The following SNX8 variants were observed in gnomAD, a reference collection of about 807,000 sequenced individuals.
SNX8 encodes the protein sorting nexin-8.
SNX8 carries 25 observed loss-of-function variants against 51.6 expected under a neutral mutation model. The observed-to-expected ratio is 0.48, with a 90% CI of 0.35 to 0.68. The LOEUF (loss-of-function observed/expected upper bound fraction) is 0.68, where lower values mean the gene tolerates loss of function less well. SNX8 is among the 30% of genes least tolerant of loss of function. The pLI, the probability that SNX8 is intolerant of heterozygous loss-of-function variation, is 0.00. For synonymous variants in SNX8, 324 were observed against 277.0 expected, an observed-to-expected ratio of 1.17 and a Z score of -1.68; for missense variants, 695 against 624.0, an observed-to-expected ratio of 1.11 and a Z score of -1.21.
intron 1 of SNX8, among the ~76,000 whole-genome samples, chr7:2,291,096 G>C (rs1024262041): frequency 1.3e-5 from 2 of 151,938 alleles, no homozygotes; most frequent in African/African-American, 4.8e-5. Flanking sequence ...AGGAGTTTGA[G>C]ACCAACCTGG....
At position 2,289,495 on chromosome 7, in the gene SNX8, G is replaced by C. The variant is rs180922650; in HGVS notation, c.95-11190C>G. On this transcript the variant is annotated intron_variant, in intron 1 of 10. Coordinates refer to ENST00000222990, the MANE Select transcript of SNX8 (RefSeq NM_013321.4). ...CGTCCGTCTTCCCTCATTCCAGGAG[G>C]ACTGTGCCTCTTTTAACACAGTTGC... 3.5e-3 allele frequency among the ~76,000 whole-genome samples: 534 copies of C among 152,292 alleles called. 5 individuals are homozygous for C. Among genetic ancestry groups the C allele is most frequent in the African/African-American group, 0.013 (522 of 41,558 alleles).
At chr7:2,324,501 G>A (rs1778593019) in intron 1 of SNX8, among the ~76,000 whole-genome samples, 1 of 151,930 alleles carries the variant, frequency 6.6e-6, no homozygotes, top group Admixed American at 6.6e-5. Context: ...ATGTTGCCCA[G>A]GGTGGTCTCG....
At chr7:2,317,338 G>A (rs546110868), upstream of SNX8, among the ~76,000 whole-genome samples, 2 of 125,234 alleles carry the variant, frequency 1.6e-5, no homozygotes, top group Admixed American at 2.1e-4. Context: ...GAGGGCAGTG[G>A]CATGATCTTG....
chr7:2,332,842 G>A (rs561211746), intron 1 of SNX8, among the ~76,000 whole-genome samples: 1 of 148,390 alleles, frequency 6.7e-6, no homozygotes, highest in East Asian at 2.0e-4. Context: ...AAGGAAGGCA[G>A]GGAGGGAGGG....
rs1795745801 is a variant in SNX8 at position 2,275,128 on chromosome 7, G to T, written c.402C>A (p.Pro134=). The T allele has an allele frequency of 6.2e-7, 1 of 1,612,388 alleles. No individual in the cohort carries two copies. Among genetic ancestry groups the T allele is most frequent in the African/African-American group, 1.3e-5 (1 of 74,894 alleles). ...TGGCTTTACCTCCCAGCATTCTCTT[G>T]GGTGGCAGGGCAGGCACCATACGGT... is the stretch of plus-strand genomic sequence containing the variant. The part of the protein sequence containing the change: ...FPYRMVPALP[P]KRMLGADREF... Residue 134 remains proline, a synonymous_variant, in exon 3 of 11, where the codon CCC becomes CCA. Coordinates refer to ENST00000222990, the MANE Select transcript of SNX8 (RefSeq NM_013321.4).
chr7:2,332,973 T>A (rs1352994066), intron 1 of SNX8, among the ~76,000 whole-genome samples: 1 of 152,040 alleles, frequency 6.6e-6, no homozygotes, highest in Non-Finnish European at 1.5e-5. Context: ...TTTCAAGACT[T>A]CTAAAGCTGT....
At chr7:2,279,856 C>T (rs1279286102) in intron 1 of SNX8, among the ~76,000 whole-genome samples, 1 of 151,810 alleles carries the variant, frequency 6.6e-6, no homozygotes, top group Non-Finnish European at 1.5e-5. Context: ...TCAAATCAGT[C>T]TTAACCTTGG....
At position 2,286,818 on chromosome 7, in the gene SNX8, A is replaced by C. The variant is rs76018154; in HGVS notation, c.95-8513T>G. Among the ~76,000 whole-genome samples, 275 of 152,090 alleles carry C rather than the reference A, an allele frequency of 1.8e-3. 5 individuals are homozygous for C. The East Asian group carries it at 0.05, about 27-fold the overall frequency. On this transcript the variant is annotated intron_variant, in intron 1 of 10. Coordinates refer to ENST00000222990, the MANE Select transcript of SNX8 (RefSeq NM_013321.4). ...GGCATGAGCCACCGCAACCAGCCTAAATTTTTTATAGATTTTATATTTTTA... is the reference window on the plus strand; with the variant it reads ...GGCATGAGCCACCGCAACCAGCCTACATTTTTTATAGATTTTATATTTTTA...
At chr7:2,272,766 G>C (rs2115124382) in intron 3 of SNX8, among the ~76,000 whole-genome samples, 1 of 152,046 alleles carries the variant, frequency 6.6e-6, no homozygotes, top group South Asian at 2.1e-4. Flanking sequence ...TCACTCCAAG[G>C]GGAAAAAAAG....
chr7:2,317,405 G>A (rs1584736278), upstream of SNX8, among the ~76,000 whole-genome samples: 1 of 151,186 alleles, frequency 6.6e-6, no homozygotes, highest in African/African-American at 2.4e-5. Context: ...AGCCTCCCGT[G>A]TAGCTGGTAT....
chr7:2,340,669 C>T (rs1427411329), intron 1 of SNX8, among the ~76,000 whole-genome samples: 2 of 150,550 alleles, frequency 1.3e-5, no homozygotes, highest in South Asian at 4.2e-4. Context: ...CCAGCCTGGC[C>T]AATATAGTGA....
At chr7:2,314,597 A>C (rs1489535373), upstream of SNX8, 5 of 522,406 alleles carry the variant, frequency 9.6e-6, no homozygotes, top group Non-Finnish European at 1.3e-5. Context: ...CCACGCCTAC[A>C]ACCCGCCTAG....
intron 1 of SNX8, among the ~76,000 whole-genome samples, chr7:2,333,059 A>C (rs927669871): frequency 6.6e-6 from 1 of 151,732 alleles, no homozygotes; most frequent in Non-Finnish European, 1.5e-5. Context: ...GCTTGAGCCC[A>C]GGAGTTCTTT....
At chr7:2,266,984 T>C (rs1287502178) in intron 5 of SNX8, among the ~76,000 whole-genome samples, 2 of 152,204 alleles carry the variant, frequency 1.3e-5, no homozygotes, top group Non-Finnish European at 2.9e-5. Context: ...TCCGTCTGTC[T>C]GAGTCACAGA....
intron 1 of SNX8, among the ~76,000 whole-genome samples, chr7:2,344,338 A>C (rs2115247961): frequency 6.6e-6 from 1 of 151,702 alleles, no homozygotes; most frequent in South Asian, 2.1e-4. Flanking sequence ...AAAATTATAG[A>C]CAGTGGCTCA....
At chr7:2,298,465 GT>G (rs1796321238) in intron 1 of SNX8, among the ~76,000 whole-genome samples, 1 of 151,918 alleles carries the variant, frequency 6.6e-6, no homozygotes, top group Non-Finnish European at 1.5e-5. Flanking sequence ...AGCCTCCCAG[GT>G]TCCAGCAATT....
intron 1 of SNX8, among the ~76,000 whole-genome samples, chr7:2,285,147 A>G (rs570178350): frequency 0.013 from 1,824 of 140,388 alleles, 43 homozygotes; most frequent in African/African-American, 0.046. Flanking sequence ...GGGAGGCAGA[A>G]GTTGCAGTGA....
At chr7:2,312,173 A>G (rs543387081) in intron 1 of SNX8, among the ~76,000 whole-genome samples, 8 of 152,064 alleles carry the variant, frequency 5.3e-5, no homozygotes, top group Non-Finnish European at 1.0e-4. Flanking sequence ...AACTACCTAC[A>G]GGAATTCCAG....
chr7:2,257,222 A>T (rs746630103), intron 9 of SNX8, 143 bp downstream of exon 9: 66 of 1,172,518 alleles, frequency 5.6e-5, no homozygotes, highest in Non-Finnish European at 7.5e-5. Context: ...CACGCGGGCC[A>T]GCTCCCTGCC....
Sources: allele counts gnomAD v4.1 joint callset (sites outside exome capture counted in the v4.1 genomes callset), GRCh38; gene constraint gnomAD v4.1.1; transcripts MANE v1.5; gene names NCBI Gene and HGNC (gene_info 2026-07-23, HGNC 2026-07-21).